Variants in ANKS1A observed in about 807,000 individuals in gnomAD.
ANKS1A encodes ankyrin repeat and SAM domain-containing protein 1A.
In ANKS1A, 55 loss-of-function variants were observed where a neutral mutation model predicts 120.3. The ratio of observed to expected loss-of-function variants is 0.46; its 90% CI spans 0.37 to 0.57. The LOEUF is 0.57. Ranked by LOEUF, ANKS1A falls within the 20% of genes least tolerant of loss-of-function variation. The pLI is 0.00. For missense variants in ANKS1A, 1,123 were observed against 1,480.3 expected, an observed-to-expected ratio of 0.76 and a Z score of 3.96; for synonymous variants, 590 against 604.7, an observed-to-expected ratio of 0.98 and a Z score of 0.36.
At chr6:34,906,303 T>C (rs1030607981) in intron 1 of ANKS1A, among the ~76,000 whole-genome samples, 2 of 152,172 alleles carry the variant, frequency 1.3e-5, no homozygotes, top group South Asian at 2.1e-4. Context: ...TGCAAGGCCT[T>C]TTACATGCCT....
Position 34,889,453 on chromosome 6 carries a change from G to C in ANKS1A, c.51G>C (p.Pro17=). ...AGGCGGCCCGCACCGGGCACCTCCC[G>C]GCGGTGGAGAAGCTGCTGTCCGGGA... is the stretch of plus-strand genomic sequence containing the variant. ...LLEAARTGHL[P]AVEKLLSGKR... is the part of the protein sequence containing the mutation. Residue 17 remains proline (P), a synonymous_variant, in exon 1 of 24, where the codon CCG becomes CCC. Coordinates refer to ENST00000360359, the MANE Select transcript of ANKS1A (RefSeq NM_015245.3). The surrounding 1 kb of genome is among the most constrained non-coding windows in gnomAD (Gnocchi z 5.5). 2 of 1,289,608 alleles carry C rather than the reference G, an allele frequency of 1.6e-6. No homozygotes were observed. The highest frequency in any genetic ancestry group is 2.0e-6 in the Non-Finnish European group (2 of 1,022,750). The allele number at this position is 1,289,608 out of a possible 1,614,324, so 79.9% of individuals were successfully genotyped here. A position where few individuals can be genotyped will look rare whatever the true frequency, so the allele number is the denominator to read the frequency against.
downstream of ANKS1A, among the ~76,000 whole-genome samples, chr6:35,095,592 G>C (rs200465791): frequency 1.2e-4 from 10 of 83,124 alleles, no homozygotes; most frequent in African/African-American, 5.8e-4. Flanking sequence ...ACGAAAGAAA[G>C]AGAGAAAGAA....
chr6:34,903,626 T>G (rs1205590243), intron 1 of ANKS1A, among the ~76,000 whole-genome samples: 2 of 152,036 alleles, frequency 1.3e-5, no homozygotes, highest in Non-Finnish European at 2.9e-5. Context: ...GCCTCCCGAG[T>G]AGCTGGGACT....
At chr6:34,893,837 G>C (rs765531237) in intron 1 of ANKS1A, among the ~76,000 whole-genome samples, 23 of 152,006 alleles carry the variant, frequency 1.5e-4, no homozygotes, top group Non-Finnish European at 3.2e-4. Context: ...TCAGTTTACT[G>C]TATCTTTGTG....
intron 1 of ANKS1A, among the ~76,000 whole-genome samples, chr6:34,929,952 T>C (rs778402796): frequency 6.6e-6 from 1 of 152,120 alleles, no homozygotes; most frequent in Non-Finnish European, 1.5e-5. Flanking sequence ...ATTTCCCCTA[T>C]AGTCCTGGCT....
intron 10 of ANKS1A, among the ~76,000 whole-genome samples, chr6:35,008,707 G>A (rs909305268): frequency 1.8e-4 from 27 of 150,218 alleles, no homozygotes; most frequent in African/African-American, 5.8e-4. Flanking sequence ...TGTATATTAT[G>A]CATTTATATA....
At chr6:34,997,065 G>T (rs927822282) in intron 10 of ANKS1A, among the ~76,000 whole-genome samples, 1 of 152,052 alleles carries the variant, frequency 6.6e-6, no homozygotes, top group Non-Finnish European at 1.5e-5. Context: ...CCCCACACCC[G>T]GTTCTTAGTG....
chr6:35,024,267 G>A (rs186825798), intron 11 of ANKS1A, among the ~76,000 whole-genome samples: 97 of 152,280 alleles, frequency 6.4e-4, no homozygotes, highest in African/African-American at 2.2e-3. Flanking sequence ...ATTAACATCT[G>A]AGATAAATAC....
At chr6:34,906,469 A>G (rs1189594811) in intron 1 of ANKS1A, among the ~76,000 whole-genome samples, 1 of 152,228 alleles carries the variant, frequency 6.6e-6, no homozygotes, top group Non-Finnish European at 1.5e-5. Context: ...TGTAGCAGAT[A>G]ACTTAGGAAC....
chr6:34,934,662 T>C lies in ANKS1A; in HGVS notation c.198-32577T>C, dbSNP rs531771720. ...TCTCATGCAAGAAGAAAAAAATCCTTGCTTCATAGTAAGTGTTGGAAAGTG... is the reference window on the plus strand; with the variant it reads ...TCTCATGCAAGAAGAAAAAAATCCTCGCTTCATAGTAAGTGTTGGAAAGTG... On this transcript the variant is annotated intron_variant, in intron 1 of 23. Transcript: ENST00000360359. Among the ~76,000 whole-genome samples the C allele has an allele frequency of 4.2e-4, 64 of 152,370 alleles. No homozygotes were observed. The South Asian group carries it at 8.3e-3, about 20-fold the overall frequency.
chr6:34,910,647 G>A (rs1767864864), intron 1 of ANKS1A, among the ~76,000 whole-genome samples: 1 of 152,032 alleles, frequency 6.6e-6, no homozygotes, highest in African/African-American at 2.4e-5. Context: ...GATCACCTGA[G>A]GTCAGGAGTT....
chr6:35,083,649 C>T, intron 20 of ANKS1A, 146 bp downstream of exon 20: 1 of 759,638 alleles, frequency 1.3e-6, no homozygotes, highest in Non-Finnish European at 2.2e-6. Flanking sequence ...TCCCACTTTG[C>T]TAAGAGGCGT....
In ANKS1A at chr6:35,031,065, G is replaced by A. The variant is rs1774883583; in HGVS notation, c.2010+13006G>A. ...GAAAACTTAAGGGTTCAATCTGTCCGTGAGCCCAAGTCAAAGACAGTGTGC... is the reference window on the plus strand; with the variant it reads ...GAAAACTTAAGGGTTCAATCTGTCCATGAGCCCAAGTCAAAGACAGTGTGC... On this transcript the variant is annotated intron_variant, in intron 11 of 23. Coordinates refer to ENST00000360359, the MANE Select transcript of ANKS1A (RefSeq NM_015245.3). 5.3e-5 allele frequency among the ~76,000 whole-genome samples: 8 copies of A among 152,228 alleles called. No individual in the cohort carries two copies. In the South Asian group the frequency reaches 8.3e-4, roughly 16 times the overall value.
intron 10 of ANKS1A, among the ~76,000 whole-genome samples, chr6:35,003,738 C>G (rs1773287218): frequency 6.6e-6 from 1 of 152,182 alleles, no homozygotes; most frequent in African/African-American, 2.4e-5. Context: ...GAATCACTAT[C>G]AATCTATTGC....
chr6:34,967,522 C>CAA (rs10559753), intron 2 of ANKS1A, among the ~76,000 whole-genome samples: 17 of 96,704 alleles, frequency 1.8e-4, no homozygotes, highest in Non-Finnish European at 2.6e-4. Flanking sequence ...TCCATCTCCA[C>CAA]AAAAAAAAAA....
intron 11 of ANKS1A, among the ~76,000 whole-genome samples, chr6:35,038,072 G>A (rs1775272812): frequency 6.6e-6 from 1 of 152,102 alleles, no homozygotes; most frequent in South Asian, 2.1e-4. Context: ...GAGGGTTCTG[G>A]GCACTGGTAA....
At chr6:34,944,257 A>G (rs1769673935) in intron 1 of ANKS1A, among the ~76,000 whole-genome samples, 1 of 152,080 alleles carries the variant, frequency 6.6e-6, no homozygotes, top group Non-Finnish European at 1.5e-5. Flanking sequence ...CAGCCTGGGC[A>G]ACAGCGAGAT....
intron 9 of ANKS1A, 52 bp from the exon 10 acceptor site, chr6:34,994,250 G>A (rs1581613538): frequency 1.3e-6 from 2 of 1,593,344 alleles, no homozygotes; most frequent in East Asian, 4.5e-5. Context: ...CAGACTGCCT[G>A]TCTTGGTATT....
chr6:35,063,477 A>G (rs1449935047), intron 13 of ANKS1A, among the ~76,000 whole-genome samples: 2 of 152,258 alleles, frequency 1.3e-5, no homozygotes, highest in South Asian at 2.1e-4. Context: ...AGTGCTAAGT[A>G]GATATTTAAA....
Sources: allele counts gnomAD v4.1 joint callset (sites outside exome capture counted in the v4.1 genomes callset), GRCh38; gene constraint gnomAD v4.1.1; non-coding constraint Gnocchi (gnomAD v3.1); transcripts MANE v1.5; gene names NCBI Gene and HGNC (gene_info 2026-07-23, HGNC 2026-07-21).